CSMD2: variants seen among roughly 807,000 people sequenced by gnomAD.
The protein encoded by CSMD2 is CUB and sushi domain-containing protein 2.
In CSMD2, 130 loss-of-function variants were observed where a neutral mutation model predicts 398.5. That is an observed-to-expected ratio of 0.33 (90% CI 0.28 to 0.38). The LOEUF (loss-of-function observed/expected upper bound fraction) is 0.38, where lower values mean the gene tolerates loss of function less well. Among genes scored for constraint, CSMD2 ranks in the 10% least tolerant of loss-of-function variants. The probability of loss-of-function intolerance (pLI) is 1.00; values close to 1 mark genes in which losing one functional copy is unlikely to be tolerated. For missense variants in CSMD2, 3,829 were observed against 4,764.9 expected (o/e 0.80, Z 5.78); for synonymous variants, 1,828 against 1,908.5 (o/e 0.96, Z 1.10).
chr1:33,936,669 A>G (rs1378822294), intron 3 of CSMD2, among the ~76,000 whole-genome samples: 1 of 152,244 alleles, frequency 6.6e-6, no homozygotes, highest in African/African-American at 2.4e-5. Context: ...CAAGAGCACC[A>G]TGACCTGGCA....
intron 57 of CSMD2, 34 bp downstream of exon 57, chr1:33,546,003 C>A: frequency 1.3e-6 from 2 of 1,580,730 alleles, no homozygotes; most frequent in African/African-American, 1.3e-5. Flanking sequence ...TGGGGCTGGG[C>A]AAAGGGGAGA....
intron 32 of CSMD2, among the ~76,000 whole-genome samples, chr1:33,631,797 C>A (rs1464642106): frequency 2.0e-5 from 3 of 152,032 alleles, no homozygotes; most frequent in Admixed American, 2.0e-4. Context: ...TATTAAATCC[C>A]AGTCAAGATT....
rs1652947610 is a variant in CSMD2, at chr1:33,782,735, G to A, written c.1663+5865C>T. 3.9e-5 allele frequency among the ~76,000 whole-genome samples: 6 copies of A among 152,340 alleles called. No homozygotes were observed. In the South Asian group the frequency reaches 1.2e-3, roughly 32 times the overall value. On this transcript the variant is annotated intron_variant, in intron 12 of 70. Coordinates refer to ENST00000373381, the MANE Select transcript of CSMD2 (RefSeq NM_001281956.2). ...GAGCATGTGTCCTGTGCCAGGCACTGAATTAGGCTCTACAGGACTGCAGAG... is the reference window on the plus strand; with the variant it reads ...GAGCATGTGTCCTGTGCCAGGCACTAAATTAGGCTCTACAGGACTGCAGAG...
At chr1:33,719,297 C>A (rs1646277875) in intron 19 of CSMD2, among the ~76,000 whole-genome samples, 1 of 152,166 alleles carries the variant, frequency 6.6e-6, no homozygotes, top group Non-Finnish European at 1.5e-5. Context: ...GCGGGTGAGA[C>A]CCAGTCACAG....
intron 3 of CSMD2, among the ~76,000 whole-genome samples, chr1:33,985,229 C>T (rs1305705317): frequency 6.6e-6 from 1 of 152,168 alleles, no homozygotes; most frequent in Non-Finnish European, 1.5e-5. Flanking sequence ...CAGGACTTAG[C>T]CTTCCTTCCC....
intron 44 of CSMD2, chr1:33,600,608 A>G: frequency 1.8e-6 from 1 of 555,206 alleles, no homozygotes; most frequent in Non-Finnish European, 3.2e-6. Context: ...TGGACTTGGC[A>G]CCAAGGTTTG....
intron 9 of CSMD2, among the ~76,000 whole-genome samples, chr1:33,813,365 C>A (rs905427206): frequency 1.3e-5 from 2 of 152,194 alleles, no homozygotes; most frequent in Non-Finnish European, 2.9e-5. Flanking sequence ...TGTGGACAGA[C>A]AGACAGACAT....
intron 1 of CSMD2, among the ~76,000 whole-genome samples, chr1:34,099,911 A>T (rs1411067864): frequency 6.6e-6 from 1 of 152,220 alleles, no homozygotes; most frequent in Non-Finnish European, 1.5e-5. Flanking sequence ...GGCAAGGTGG[A>T]AAGAGGGCAG....
Position 33,607,304 on chromosome 1 carries a change from A to C in CSMD2, c.6344-1834T>G, listed in dbSNP as rs77421872. 3.9e-5 allele frequency among the ~76,000 whole-genome samples: 6 copies of C among 152,342 alleles called. No individual in the cohort carries two copies. In the East Asian group the frequency reaches 1.2e-3, roughly 29 times the overall value. The stretch of plus-strand genomic sequence containing the variant: ...GAGAAAAGAAGACCCTAGCATGGGA[A>C]GTGCAGAGTATCAGTTGGAGGAATT... On this transcript the variant is annotated intron_variant, in intron 41 of 70. Transcript: ENST00000373381.
intron 12 of CSMD2, among the ~76,000 whole-genome samples, chr1:33,783,436 T>C (rs1653066700): frequency 1.2e-4 from 2 of 16,260 alleles, no homozygotes; most frequent in Non-Finnish European, 7.1e-4. Context: ...TCTCATTCTC[T>C]CTCTCTCTCT....
chr1:33,614,798 TAC>T lies in CSMD2; in HGVS notation c.6017-180_6017-179del, dbSNP rs1641280943. Among the ~76,000 whole-genome samples, 5 of 152,292 alleles carry T rather than the reference TAC, an allele frequency of 3.3e-5. No homozygotes were observed. The South Asian group carries it at 8.3e-4, about 25-fold the overall frequency. On this transcript the variant is annotated intron_variant, in intron 39 of 70. Coordinates refer to ENST00000373381, the MANE Select transcript of CSMD2 (RefSeq NM_001281956.2). The stretch of plus-strand genomic sequence containing the variant: ...AAGCCCACGGGCAACATTCAATATG[TAC>T]ATTCAGGAAGGGAGGTACATTCTAG...
intron 5 of CSMD2, among the ~76,000 whole-genome samples, chr1:33,880,211 C>T (rs939351325): frequency 2.6e-5 from 4 of 152,156 alleles, no homozygotes; most frequent in African/African-American, 9.7e-5. Flanking sequence ...GTGTATGGCT[C>T]CCAAGTCAGT....
intron 3 of CSMD2, among the ~76,000 whole-genome samples, chr1:34,011,324 ACTG>A (rs1266873881): frequency 5.6e-4 from 85 of 152,158 alleles, no homozygotes; most frequent in Admixed American, 5.6e-3. Context: ...GTTGGGGTGG[ACTG>A]CTATCAAAAC....
intron 32 of CSMD2, among the ~76,000 whole-genome samples, chr1:33,629,261 A>T (rs1420759268): frequency 1.3e-5 from 2 of 152,200 alleles, no homozygotes; most frequent in African/African-American, 4.8e-5. Context: ...TAAAAGTCCA[A>T]ATATATCAAG....
intron 3 of CSMD2, among the ~76,000 whole-genome samples, chr1:33,995,932 C>T (rs1205182291): frequency 1.3e-5 from 2 of 152,198 alleles, no homozygotes; most frequent in Non-Finnish European, 2.9e-5. Flanking sequence ...GGTGCTGATG[C>T]ACCCCTCGCT....
chr1:34,155,005 C>T (rs192001427), intron 1 of CSMD2, among the ~76,000 whole-genome samples: 24 of 152,260 alleles, frequency 1.6e-4, no homozygotes, highest in Admixed American at 1.3e-3. Context: ...GGATTACAGG[C>T]GTGAGCCACC....
At chr1:33,724,447 T>C in intron 18 of CSMD2, 69 bp downstream of exon 18, 1 of 1,571,778 alleles carries the variant, frequency 6.4e-7, no homozygotes. Flanking sequence ...CAGTGGTCTT[T>C]TGAGCACCTG....
chr1:33,712,509 T>C (rs1279503457), intron 21 of CSMD2, among the ~76,000 whole-genome samples: 1 of 152,192 alleles, frequency 6.6e-6, no homozygotes, highest in African/African-American at 2.4e-5. Flanking sequence ...TGGTGGTAAT[T>C]AGAGGTGACT....
At chr1:33,828,416 C>G (rs1330540288) in intron 6 of CSMD2, among the ~76,000 whole-genome samples, 1 of 152,168 alleles carries the variant, frequency 6.6e-6, no homozygotes, top group Non-Finnish European at 1.5e-5. Flanking sequence ...GTCTCTATGA[C>G]CCGGTGCAGC....
Sources: gnomAD v4.1 joint callset for allele counts (sites outside exome capture counted in the v4.1 genomes callset) on GRCh38, gnomAD v4.1.1 for gene constraint, MANE v1.5 for transcripts, NCBI Gene and HGNC (gene_info 2026-07-23, HGNC 2026-07-21) for gene names.